LRP1B: variants seen among roughly 807,000 people sequenced by gnomAD.
LRP1B encodes the protein low-density lipoprotein receptor-related protein 1B.
In LRP1B, 217 loss-of-function variants were observed where a neutral mutation model predicts 556.6. The ratio of observed to expected loss-of-function variants is 0.39; its 90% CI spans 0.35 to 0.44. The LOEUF is 0.44. LRP1B is among the 20% of genes least tolerant of loss of function. The probability of loss-of-function intolerance (pLI) is 1.00; values close to 1 mark genes in which losing one functional copy is unlikely to be tolerated. For synonymous variants in LRP1B, 2,047 were observed against 1,865.8 expected, an observed-to-expected ratio of 1.10 and a Z score of -2.50; for missense variants, 5,053 against 5,620.8, an observed-to-expected ratio of 0.90 and a Z score of 3.23.
At chr2:140,304,920 C>T (rs2105015412) in intron 83 of LRP1B, among the ~76,000 whole-genome samples, 1 of 152,294 alleles carries the variant, frequency 6.6e-6, no homozygotes, top group South Asian at 2.1e-4. Context: ...GGAATCCTTT[C>T]CCCATTTCTT....
chr2:140,898,379 T>G (rs566452002), intron 23 of LRP1B: 48 of 160,066 alleles, frequency 3.0e-4, no homozygotes, highest in Non-Finnish European at 1.1e-4. Flanking sequence ...TGCTGAACCA[T>G]CTGGCAGCTG....
intron 3 of LRP1B, among the ~76,000 whole-genome samples, chr2:141,450,961 T>TA (rs1188657330): frequency 1.3e-5 from 2 of 152,220 alleles, no homozygotes; most frequent in African/African-American, 4.8e-5. Flanking sequence ...GACATCAGCT[T>TA]AAAATCACTA....
chr2:142,116,003 G>A (rs1173889554), intron 1 of LRP1B, among the ~76,000 whole-genome samples: 1 of 143,708 alleles, frequency 7.0e-6, no homozygotes, highest in Non-Finnish European at 1.5e-5. Context: ...AATCATTTGA[G>A]GTCAGGAGTG....
At chr2:141,567,719 T>C (rs1053394400) in intron 2 of LRP1B, among the ~76,000 whole-genome samples, 3 of 150,666 alleles carry the variant, frequency 2.0e-5, no homozygotes, top group Non-Finnish European at 4.4e-5. Flanking sequence ...ATGAACTCTT[T>C]CATTATTTTA....
At chr2:142,019,549 CTA>C (rs1703264827) in intron 1 of LRP1B, among the ~76,000 whole-genome samples, 1 of 152,150 alleles carries the variant, frequency 6.6e-6, no homozygotes, top group African/African-American at 2.4e-5. Context: ...CCACCACACT[CTA>C]TTGCTTCCCA....
At chr2:141,137,632 A>T (rs941900304) in intron 7 of LRP1B, among the ~76,000 whole-genome samples, 1 of 151,956 alleles carries the variant, frequency 6.6e-6, no homozygotes, top group Non-Finnish European at 1.5e-5. Context: ...ATAATATTGC[A>T]ATAAAGCTGA....
At chr2:140,478,403 C>A (rs1479023190) in intron 59 of LRP1B, among the ~76,000 whole-genome samples, 3 of 152,082 alleles carry the variant, frequency 2.0e-5, no homozygotes, top group Non-Finnish European at 2.9e-5. Context: ...CCTGCCTCAG[C>A]CTTCCAAAGT....
At chr2:140,282,324 T>G (rs1312263770) in intron 84 of LRP1B, among the ~76,000 whole-genome samples, 1 of 151,812 alleles carries the variant, frequency 6.6e-6, no homozygotes, top group Non-Finnish European at 1.5e-5. Flanking sequence ...GTCAGAGGCA[T>G]TAGATGGTGT....
chr2:140,653,057 A>T (rs934467320), intron 41 of LRP1B, among the ~76,000 whole-genome samples: 1 of 152,144 alleles, frequency 6.6e-6, no homozygotes, highest in Non-Finnish European at 1.5e-5. Context: ...AAAAGAATGA[A>T]ATGTTAATAA....
intron 7 of LRP1B, among the ~76,000 whole-genome samples, chr2:141,143,296 G>A (rs1701703736): frequency 6.6e-6 from 1 of 151,910 alleles, no homozygotes; most frequent in African/African-American, 2.4e-5. Flanking sequence ...GACTGAGTTC[G>A]TCCTGTTTAT....
At chr2:140,318,195 T>C (rs1417604005) in intron 82 of LRP1B, among the ~76,000 whole-genome samples, 1 of 152,154 alleles carries the variant, frequency 6.6e-6, no homozygotes, top group Non-Finnish European at 1.5e-5. Context: ...CTAGCATTTA[T>C]CTTCAGCAAT....
chr2:141,169,992 G>T lies in LRP1B; in HGVS notation c.1013+18429C>A, dbSNP rs16845549. On this transcript the variant is annotated intron_variant, in intron 7 of 90. Coordinates refer to ENST00000389484, the MANE Select transcript of LRP1B (RefSeq NM_018557.3). ...ATTGTATACAGCAATGTAATCTCAT[G>T]GTGTGGGGTTAAATCTTCTCTTCCA... Among the ~76,000 whole-genome samples, 488 of 152,026 alleles carry T rather than the reference G, an allele frequency of 3.2e-3. 4 individuals carry two copies. The highest frequency in any genetic ancestry group is 0.011 in the African/African-American group (464 of 41,480).
chr2:141,627,870 C>T (rs899380718), intron 2 of LRP1B, among the ~76,000 whole-genome samples: 8 of 152,160 alleles, frequency 5.3e-5, no homozygotes, highest in East Asian at 1.9e-4. Flanking sequence ...GGGAGGCTGT[C>T]GGGAGTCGGG....
chr2:140,599,542 T>A (rs1245614124), intron 42 of LRP1B, among the ~76,000 whole-genome samples: 1 of 152,116 alleles, frequency 6.6e-6, no homozygotes, highest in African/African-American at 2.4e-5. Context: ...TTTGAGTATT[T>A]TATGACACTT....
chr2:140,629,329 A>G (rs1466822858), intron 41 of LRP1B, among the ~76,000 whole-genome samples: 2 of 151,920 alleles, frequency 1.3e-5, no homozygotes, highest in Non-Finnish European at 1.5e-5. Context: ...TGGCCTCCCA[A>G]AGTGTTGGGA....
At chr2:141,171,293 G>A (rs904143974) in intron 7 of LRP1B, among the ~76,000 whole-genome samples, 1 of 152,036 alleles carries the variant, frequency 6.6e-6, no homozygotes, top group Non-Finnish European at 1.5e-5. Flanking sequence ...GTATCACAGA[G>A]AATAGTTTCA....
chr2:141,969,761 C>G (rs1184342234), intron 1 of LRP1B, among the ~76,000 whole-genome samples: 1 of 151,464 alleles, frequency 6.6e-6, no homozygotes, highest in East Asian at 1.9e-4. Context: ...TGGGGTAAAT[C>G]CTGGTAGAGG....
At chr2:141,839,925 A>T (rs1478780054) in intron 1 of LRP1B, among the ~76,000 whole-genome samples, 1 of 152,192 alleles carries the variant, frequency 6.6e-6, no homozygotes, top group East Asian at 1.9e-4. Flanking sequence ...ACAATAATCC[A>T]CAAACATGTG....
intron 41 of LRP1B, among the ~76,000 whole-genome samples, chr2:140,664,779 C>T (rs1685210828): frequency 6.6e-6 from 1 of 151,902 alleles, no homozygotes; most frequent in Admixed American, 6.6e-5. Context: ...TGCTTTGTGA[C>T]ATCTTTCCCT....
Sources: allele counts gnomAD v4.1 joint callset (sites outside exome capture counted in the v4.1 genomes callset), GRCh38; gene constraint gnomAD v4.1.1; transcripts MANE v1.5; gene names NCBI Gene and HGNC (gene_info 2026-07-23, HGNC 2026-07-21).